The following LRRTM4 variants were observed in gnomAD, a reference collection of about 807,000 sequenced individuals.
LRRTM4 encodes the protein leucine rich repeat transmembrane neuronal 4, also known as leucine-rich repeat transmembrane neuronal protein 4.
Under a neutral mutation model 47.6 loss-of-function variants are expected in LRRTM4, and 25 were observed. That is an observed-to-expected ratio of 0.53 (90% CI 0.38 to 0.73). The LOEUF is 0.73. Ranked by LOEUF, LRRTM4 falls within the 30% of genes least tolerant of loss-of-function variation. LRRTM4 has a pLI of 0.00. For missense variants in LRRTM4, 638 were observed against 713.4 expected (o/e 0.89, Z 1.20); for synonymous variants, 311 against 269.5 (o/e 1.15, Z -1.51).
intron 3 of LRRTM4, among the ~76,000 whole-genome samples, chr2:77,162,254 G>T (rs569719208): frequency 1.0e-3 from 156 of 152,296 alleles, no homozygotes; most frequent in African/African-American, 3.6e-3. Context: ...AAACTGCAAG[G>T]TGGCAGCAAG....
chr2:76,842,592 A>T (rs1441120700), intron 3 of LRRTM4, among the ~76,000 whole-genome samples: 2 of 152,220 alleles, frequency 1.3e-5, no homozygotes, highest in East Asian at 3.9e-4. Flanking sequence ...AAGCCTATAT[A>T]TTAAGATAAA....
intron 3 of LRRTM4, among the ~76,000 whole-genome samples, chr2:77,491,717 A>G (rs868368134): frequency 6.6e-5 from 10 of 152,126 alleles, no homozygotes; most frequent in African/African-American, 2.2e-4. Context: ...ATATTTTTGA[A>G]GAAGAGGGAA....
chr2:77,428,028 T>C lies in LRRTM4; in HGVS notation c.1551+90290A>G, dbSNP rs1036512227. Among the ~76,000 whole-genome samples the C allele has an allele frequency of 2.6e-5, 4 of 152,310 alleles. No homozygotes were observed. The South Asian group carries it at 8.3e-4, about 32-fold the overall frequency. On this transcript the variant is annotated intron_variant, in intron 3 of 3. Transcript: ENST00000409884. ...GCAGTTACTCCCATGCTACTGTTCT[T>C]GTGAGAGTGAGTGAGTTCTCACAAG...
At chr2:76,901,753 T>TG (rs1222994395) in intron 3 of LRRTM4, among the ~76,000 whole-genome samples, 1 of 152,122 alleles carries the variant, frequency 6.6e-6, no homozygotes, top group Non-Finnish European at 1.5e-5. Context: ...CCTTGTTGAG[T>TG]GGGGGTTCCG....
chr2:76,794,519 T>TTCTATATTCTA (rs1308577788), intron 3 of LRRTM4, among the ~76,000 whole-genome samples: 3 of 151,924 alleles, frequency 2.0e-5, no homozygotes, highest in Admixed American at 2.0e-4. Flanking sequence ...TTTGCACCTC[T>TTCTATATTCTA]TCTATATTCT....
intron 3 of LRRTM4, among the ~76,000 whole-genome samples, chr2:77,251,260 T>TAC (rs1485089962): frequency 5.9e-4 from 87 of 146,542 alleles, no homozygotes; most frequent in Non-Finnish European, 9.1e-4. Context: ...TATATATATA[T>TAC]ACACACACAC....
At chr2:77,228,830 A>G (rs1674886734) in intron 3 of LRRTM4, among the ~76,000 whole-genome samples, 3 of 152,168 alleles carry the variant, frequency 2.0e-5, no homozygotes, top group Non-Finnish European at 4.4e-5. Context: ...ATTCACCCCT[A>G]CTAGACATCT....
chr2:77,298,874 A>T (rs945741485), intron 3 of LRRTM4, among the ~76,000 whole-genome samples: 23 of 152,150 alleles, frequency 1.5e-4, no homozygotes, highest in African/African-American at 5.5e-4. Context: ...GATAGCTTAA[A>T]TTATTTTTTC....
At chr2:77,282,649 T>C (rs866987504) in intron 3 of LRRTM4, among the ~76,000 whole-genome samples, 14 of 151,790 alleles carry the variant, frequency 9.2e-5, no homozygotes, top group Non-Finnish European at 1.5e-4. Flanking sequence ...AACAGACACA[T>C]AGACCAATGG....
intron 3 of LRRTM4, among the ~76,000 whole-genome samples, chr2:76,904,415 G>T (rs1378865958): frequency 6.6e-6 from 1 of 152,148 alleles, no homozygotes; most frequent in Non-Finnish European, 1.5e-5. Context: ...TGGGGCTTAG[G>T]CATGTCCTAT....
chr2:77,344,076 T>C (rs185533260), intron 3 of LRRTM4, among the ~76,000 whole-genome samples: 27 of 151,938 alleles, frequency 1.8e-4, no homozygotes, highest in Admixed American at 1.7e-3. Context: ...TGATTTGTGC[T>C]TATAGAAGTG....
In LRRTM4 at chr2:77,362,115, G is replaced by GAGAAAGAAAGAAAGAAAGAAAAGAA. The variant is rs1553434345; in HGVS notation, c.1551+156202_1551+156203insTTCTTTTCTTTCTTTCTTTCTTTCT. On this transcript the variant is annotated intron_variant, in intron 3 of 3. Coordinates refer to ENST00000409884, the MANE Select transcript of LRRTM4 (RefSeq NM_001134745.3). ...AAAAGGAAAAGGAAAGAAAGAAAGA[G>GAGAAAGAAAGAAAGAAAGAAAAGAA]AGAAAGAAAGAAAGAAAGAAAGAAA... 3.9e-3 allele frequency among the ~76,000 whole-genome samples: 389 copies of GAGAAAGAAAGAAAGAAAGAAAAGAA among 98,810 alleles called. 1 individual carries two copies. The highest frequency in any genetic ancestry group is 6.2e-3 in the Non-Finnish European group (317 of 51,528). The allele number at this position is 98,810 out of a possible 152,430, so 64.8% of individuals were successfully genotyped here.
At chr2:76,769,173 C>A (rs1445835785) in intron 3 of LRRTM4, among the ~76,000 whole-genome samples, 1 of 152,056 alleles carries the variant, frequency 6.6e-6, no homozygotes, top group Non-Finnish European at 1.5e-5. Flanking sequence ...CTTCATAGGA[C>A]TAGAAGGAAC....
At chr2:76,814,759 G>A (rs35781147) in intron 3 of LRRTM4, among the ~76,000 whole-genome samples, 3,025 of 151,380 alleles carry the variant, frequency 0.02, 62 homozygotes, top group East Asian at 0.098. Flanking sequence ...AGGGATGACT[G>A]TAATAACAAT....
chr2:76,946,904 G>A (rs932233596), intron 3 of LRRTM4, among the ~76,000 whole-genome samples: 2 of 151,874 alleles, frequency 1.3e-5, no homozygotes, highest in Non-Finnish European at 2.9e-5. Context: ...TCTGCCAAAT[G>A]AGGCACACTT....
intron 3 of LRRTM4, among the ~76,000 whole-genome samples, chr2:77,172,469 C>A (rs1673076274): frequency 6.6e-6 from 1 of 152,088 alleles, no homozygotes; most frequent in South Asian, 2.1e-4. Flanking sequence ...TGGGTCATGC[C>A]TGTAATCTCA....
At chr2:77,476,331 C>T (rs1161469336) in intron 3 of LRRTM4, among the ~76,000 whole-genome samples, 1 of 151,970 alleles carries the variant, frequency 6.6e-6, no homozygotes, top group South Asian at 2.1e-4. Flanking sequence ...TTTTCACATG[C>T]TCATTTATTC....
chr2:77,323,178 C>G (rs1280329971), intron 3 of LRRTM4, among the ~76,000 whole-genome samples: 14 of 152,034 alleles, frequency 9.2e-5, no homozygotes, highest in Non-Finnish European at 1.5e-4. Context: ...ATGACAATCT[C>G]CTGTCCACTG....
At chr2:77,333,063 T>C (rs1345386487) in intron 3 of LRRTM4, among the ~76,000 whole-genome samples, 1 of 152,212 alleles carries the variant, frequency 6.6e-6, no homozygotes, top group Non-Finnish European at 1.5e-5. Flanking sequence ...AGCTCTCTGT[T>C]CATCTGCTGT....
Sources: gnomAD v4.1 joint callset for allele counts (sites outside exome capture counted in the v4.1 genomes callset) on GRCh38, gnomAD v4.1.1 for gene constraint, MANE v1.5 for transcripts, NCBI Gene and HGNC (gene_info 2026-07-23, HGNC 2026-07-21) for gene names.